RBM42: variants seen among roughly 807,000 people sequenced by gnomAD.
RBM42 encodes RNA-binding protein 42.
RBM42 carries 21 observed loss-of-function variants against 41.4 expected under a neutral mutation model. That is an observed-to-expected ratio of 0.51 (90% CI 0.36 to 0.73). The LOEUF (loss-of-function observed/expected upper bound fraction) is 0.73. RBM42 is among the 30% of genes least tolerant of loss of function. The pLI is 0.00. For synonymous variants in RBM42, 272 were observed against 271.2 expected, an observed-to-expected ratio of 1.00 and a Z score of -0.03; for missense variants, 539 against 680.4, an observed-to-expected ratio of 0.79 and a Z score of 2.31.
At chr19:35,631,038 TA>T in intron 2 of RBM42, 101 bp from the exon 3 acceptor site, 1 of 1,046,754 alleles carries the variant, frequency 9.6e-7, no homozygotes, top group Non-Finnish European at 1.5e-6. Flanking sequence ...GCCAGCCACA[TA>T]CAGAGCACAA....
rs1211247525 is a variant in RBM42 at position 35,631,319 on chromosome 19, C to T, written c.368-12C>T. On this transcript the variant is annotated splice_polypyrimidine_tract_variant and intron_variant, in intron 3 of 9. Transcript: ENST00000262633. Reference sequence around the variant, plus strand: ...TCTCCTCCCACCATCCTTGCCTCTCCCCTCCCAACAGTTGGCTTTGGCCCT... The same window carrying T: ...TCTCCTCCCACCATCCTTGCCTCTCTCCTCCCAACAGTTGGCTTTGGCCCT... 1 of 1,614,094 alleles carries T rather than the reference C, an allele frequency of 6.2e-7. No homozygotes were observed. Among genetic ancestry groups the T allele is most frequent in the South Asian group, 1.1e-5 (1 of 91,080 alleles).
At chr19:35,633,551 G>T (rs183413135) in intron 6 of RBM42, 136 bp from the exon 7 acceptor site, 2 of 795,670 alleles carry the variant, frequency 2.5e-6, no homozygotes, top group African/African-American at 1.8e-5. Context: ...GTGTTTGTCT[G>T]GCTGGAGACT....
rs1599609749 is a variant in RBM42, at chr19:35,637,636, A to C, written c.*82A>C. On this transcript the variant is annotated 3_prime_UTR_variant, in exon 10 of 10. Transcript: ENST00000262633. This position sits in a 1 kb window ranked among gnomAD's most constrained non-coding sequence, Gnocchi z 7.0. ...CTCTTTGGAAAACCCCCAGCTGTCC[A>C]CCCATCCCCTGCCCCAAAACCAGTT... The C allele has an allele frequency of 9.5e-7, 1 of 1,051,250 alleles. No individual in the cohort carries two copies. The highest frequency in any genetic ancestry group is 1.4e-6 in the Non-Finnish European group (1 of 709,480). 65.1% of individuals were successfully genotyped at this position (1,051,250 alleles called of 1,614,324 possible). A position where few individuals can be genotyped will look rare whatever the true frequency, so the allele number is the denominator to read the frequency against.
In RBM42 at chr19:35,633,656, G is replaced by A. The variant is rs372923323; in HGVS notation, c.685-31G>A. The stretch of plus-strand genomic sequence containing the variant: ...ACAGTAAAGTCTGAGCCTGTGAGCC[G>A]GCCCCCCTCATGCTCTCCTCTTACC... On this transcript the variant is annotated intron_variant, in intron 6 of 9. Coordinates refer to ENST00000262633, the MANE Select transcript of RBM42 (RefSeq NM_024321.5). The A allele has an allele frequency of 1.3e-4, 177 of 1,400,286 alleles. 2 individuals are homozygous for A. The Middle Eastern group carries it at 1.3e-3, about 10-fold the overall frequency. 86.7% of individuals were successfully genotyped at this position (1,400,286 alleles called of 1,614,324 possible). A position where few individuals can be genotyped will look rare whatever the true frequency, so the allele number is the denominator to read the frequency against.
rs751232575 is a variant in RBM42, at chr19:35,631,200, G to T, written c.343G>T (p.Gly115Cys). 1.2e-6 allele frequency: 2 copies of T among 1,614,164 alleles called. No homozygotes were observed. The highest frequency in any genetic ancestry group is 1.1e-5 in the South Asian group (1 of 91,084). Residue 115 changes from glycine (G) to cysteine (C), a missense_variant, in exon 3 of 10, where the codon GGT (glycine) becomes TGT (cysteine). This residue lies in a region of RBM42 where 429 missense variants were observed against 488.9 expected (regional missense o/e 0.88). Transcript: ENST00000262633. ...AGCCACAGTAGTTCCTCCCATGGTGGGTGGCCCTCCTTTTGTAGGCCCTGG... is the reference window on the plus strand; with the variant it reads ...AGCCACAGTAGTTCCTCCCATGGTGTGTGGCCCTCCTTTTGTAGGCCCTGG... ...AAATVVPPMV[G>C]GPPFVGPVGF...
In RBM42 at chr19:35,633,171, T is replaced by C. The variant is rs377413995; in HGVS notation, c.603T>C (p.Pro201=). ...ALVGPPLPGP[P]GPPMMLPPMA... ...TGGGCCCCCCTCTGCCTGGGCCCCCTGGACCACCCATGATGCTGCCACCAA... is the reference window on the plus strand; with the variant it reads ...TGGGCCCCCCTCTGCCTGGGCCCCCCGGACCACCCATGATGCTGCCACCAA... Residue 201 remains proline, a synonymous_variant, in exon 6 of 10, where the codon CCT becomes CCC. Coordinates refer to ENST00000262633, the MANE Select transcript of RBM42 (RefSeq NM_024321.5). The C allele has an allele frequency of 6.2e-7, 1 of 1,610,698 alleles. No homozygotes were observed.
chr19:35,629,705 AAC>A, intron 2 of RBM42, 32 bp downstream of exon 2: 6 of 1,611,624 alleles, frequency 3.7e-6, no homozygotes, highest in Non-Finnish European at 8.5e-7. Context: ...TAAGTCAGGG[AAC>A]ACAATGCCTC....
At position 35,637,314 on chromosome 19, in the gene RBM42, A is replaced by G. The variant is rs1967514767; in HGVS notation, c.1292A>G (p.Asp431Gly). The G allele has an allele frequency of 1.9e-6, 3 of 1,614,100 alleles. No individual in the cohort carries two copies. The highest frequency in any genetic ancestry group is 2.5e-6 in the Non-Finnish European group (3 of 1,180,012). Residue 431 changes from aspartate to glycine, a missense_variant, in exon 9 of 10, where the codon GAC becomes GGC. Asp to Gly is a moderately conservative substitution (Grantham distance 94). Around this residue, in one of 2 missense-constraint regions of RBM42, gnomAD observed 110 missense variants for 191.5 expected, o/e 0.57. Transcript: ENST00000262633. This position sits in a 1 kb window ranked among gnomAD's most constrained non-coding sequence, Gnocchi z 7.0. ...GGCTACGGCTTCGTCAGCTTCAAGG[A>G]CCCCAGCGACTACGTGCGCGCCATG... ...TKGYGFVSFK[D>G]PSDYVRAMRE...
Position 35,637,681 on chromosome 19 carries a change from T to A in RBM42, c.*127T>A. ...CCAGTTTCAATAAATTTACGTTCAT[T>A]TCCACCCCTGGCTGGGCATGGAAGC... is the stretch of plus-strand genomic sequence containing the variant. On this transcript the variant is annotated 3_prime_UTR_variant, in exon 10 of 10. Transcript: ENST00000262633. The surrounding 1 kb of genome is among the most constrained non-coding windows in gnomAD (Gnocchi z 7.0). The A allele has an allele frequency of 1.4e-6, 1 of 723,900 alleles. No individual in the cohort carries two copies. The highest frequency in any genetic ancestry group is 2.3e-6 in the Non-Finnish European group (1 of 431,966). The allele number at this position is 723,900 out of a possible 1,614,324, so 44.8% of individuals were successfully genotyped here.
chr19:35,637,071 A>G lies in RBM42; in HGVS notation c.1136-87A>G, dbSNP rs1599609273. ...AGAGGTCCCTAGGCAGAGACTAGATACCTCCGAAAAGGTGGGATCGTTCAG... is the reference window on the plus strand; with the variant it reads ...AGAGGTCCCTAGGCAGAGACTAGATGCCTCCGAAAAGGTGGGATCGTTCAG... On this transcript the variant is annotated intron_variant, in intron 8 of 9. Transcript: ENST00000262633. This position sits in a 1 kb window ranked among gnomAD's most constrained non-coding sequence, Gnocchi z 7.0. 1 of 1,246,458 alleles carries G rather than the reference A, an allele frequency of 8.0e-7. No individual in the cohort carries two copies. Among genetic ancestry groups the G allele is most frequent in the African/African-American group, 1.5e-5 (1 of 66,816 alleles). 77.2% of individuals were successfully genotyped at this position (1,246,458 alleles called of 1,614,324 possible).
intron 6 of RBM42, 99 bp from the exon 7 acceptor site, chr19:35,633,588 C>T (rs939368149): frequency 4.1e-6 from 5 of 1,210,472 alleles, no homozygotes; most frequent in African/African-American, 3.2e-5. Context: ...CTTGGCTGCT[C>T]TCTGGCCCCC....
At chr19:35,634,059 G>T in intron 7 of RBM42, 40 bp downstream of exon 7, 1 of 1,468,846 alleles carries the variant, frequency 6.8e-7, no homozygotes. Flanking sequence ...AGAAGGGACG[G>T]GGGGCAGACA....
chr19:35,633,351 CT>C lies in RBM42; in HGVS notation c.684+102del. On this transcript the variant is annotated intron_variant, in intron 6 of 9. Transcript: ENST00000262633. ...ATGTCTGAGTTGGCCTCTCTCCTGA[CT>C]TTCTGTTTCTCTACCTTCTCACTCT... 4.2e-6 allele frequency: 4 copies of C among 947,778 alleles called. 1 individual carries two copies. The South Asian group carries it at 6.4e-5, about 15-fold the overall frequency. 58.7% of individuals were successfully genotyped at this position (947,778 alleles called of 1,614,324 possible).
chr19:35,632,071 C>T (rs115148837), intron 4 of RBM42, among the ~76,000 whole-genome samples: 2,016 of 152,256 alleles, frequency 0.013, 50 homozygotes, highest in African/African-American at 0.047. Context: ...GAAAAGGATG[C>T]GTGTTCTTAC....
Position 35,631,109 on chromosome 19 carries a change from A to AG in RBM42, c.283-29dup, listed in dbSNP as rs1444834225. The AG allele has an allele frequency of 2.5e-6, 4 of 1,600,010 alleles. No homozygotes were observed. In the African/African-American group the frequency reaches 5.4e-5, roughly 21 times the overall value. ...CCGCAGCAGATGGGAATGCTGAGTC[A>AG]GGCCCCTCACCCTGACCTCTTCCTC... On this transcript the variant is annotated intron_variant, in intron 2 of 9. Coordinates refer to ENST00000262633, the MANE Select transcript of RBM42 (RefSeq NM_024321.5).
rs573338415 is a variant in RBM42, at chr19:35,632,914, C to T, written c.443-22C>T. On this transcript the variant is annotated intron_variant, in intron 4 of 9. Coordinates refer to ENST00000262633, the MANE Select transcript of RBM42 (RefSeq NM_024321.5). ...GTGCCCCTGTCCCCCATGACACACA[C>T]CCCCATCTCTCTCTCCCACAGCTGT... 1.5e-4 allele frequency: 167 copies of T among 1,139,654 alleles called. No homozygotes were observed. The South Asian group carries it at 2.0e-3, about 14-fold the overall frequency. The allele number at this position is 1,139,654 out of a possible 1,614,324, so 70.6% of individuals were successfully genotyped here.
At chr19:35,632,262 T>C (rs2146350133) in intron 4 of RBM42, among the ~76,000 whole-genome samples, 1 of 152,316 alleles carries the variant, frequency 6.6e-6, no homozygotes, top group African/African-American at 2.4e-5. Flanking sequence ...CCAACCCTGC[T>C]GTGGCTCCCC....
chr19:35,629,382 T>G, intron 1 of RBM42, 101 bp downstream of exon 1: 5 of 1,514,876 alleles, frequency 3.3e-6, no homozygotes, highest in Non-Finnish European at 4.4e-6. Flanking sequence ...GGCTCTAACA[T>G]GGGGAAGTGG....
Position 35,633,818 on chromosome 19 carries a change from T to G in RBM42, c.816T>G (p.Gly272=), listed in dbSNP as rs1967448663. The G allele has an allele frequency of 1.3e-6, 2 of 1,509,522 alleles. No individual in the cohort carries two copies. The highest frequency in any genetic ancestry group is 2.2e-5 in the Admixed American group (1 of 44,642). The allele number at this position is 1,509,522 out of a possible 1,614,324, so 93.5% of individuals were successfully genotyped here. A position where few individuals can be genotyped will look rare whatever the true frequency, so the allele number is the denominator to read the frequency against. Residue 272 remains glycine (G), a synonymous_variant, in exon 7 of 10, where the codon GGT becomes GGG. Coordinates refer to ENST00000262633, the MANE Select transcript of RBM42 (RefSeq NM_024321.5). ...ASAAVAVGAG[G]APAGPAVIGP... The stretch of plus-strand genomic sequence containing the variant: ...CGGCTGTGGCCGTGGGGGCAGGAGG[T>G]GCCCCAGCTGGCCCTGCAGTCATTG...
Sources: gnomAD v4.1 joint callset for allele counts (sites outside exome capture counted in the v4.1 genomes callset) on GRCh38, gnomAD v4.1.1 for gene constraint, gnomAD v4.1.1 regional missense constraint, Gnocchi (gnomAD v3.1) non-coding constraint, MANE v1.5 for transcripts, NCBI Gene and HGNC (gene_info 2026-07-23, HGNC 2026-07-21) for gene names.